Variants in SAMD4A observed in about 807,000 individuals in gnomAD.
The protein encoded by SAMD4A is sterile alpha motif domain containing 4A.
Under a neutral mutation model 81.3 loss-of-function variants are expected in SAMD4A, and 33 were observed. The ratio of observed to expected loss-of-function variants is 0.41; its 90% CI spans 0.31 to 0.54. SAMD4A has a LOEUF of 0.54. Among genes scored for constraint, SAMD4A ranks in the 20% least tolerant of loss-of-function variants. The pLI is 0.37. For missense variants in SAMD4A, 854 were observed against 951.1 expected (o/e 0.90, Z 1.34); for synonymous variants, 389 against 382.1 (o/e 1.02, Z -0.21).
At chr14:54,593,706 A>G (rs138874155) in intron 2 of SAMD4A, among the ~76,000 whole-genome samples, 2 of 152,298 alleles carry the variant, frequency 1.3e-5, no homozygotes, top group East Asian at 1.9e-4. Flanking sequence ...CTTGAAACCA[A>G]TATGTATGAG....
intron 2 of SAMD4A, among the ~76,000 whole-genome samples, chr14:54,666,108 G>A (rs1006068703): frequency 6.6e-6 from 1 of 152,162 alleles, no homozygotes; most frequent in African/African-American, 2.4e-5. Context: ...CTGACAGGGT[G>A]TCACCCCAGC....
intron 8 of SAMD4A, among the ~76,000 whole-genome samples, 198 bp from the exon 9 acceptor site, chr14:54,769,906 G>A (rs1042897701): frequency 1.3e-5 from 2 of 152,146 alleles, no homozygotes; most frequent in African/African-American, 2.4e-5. Context: ...ACCTTATCAC[G>A]CACCTCCAAT....
At chr14:54,719,887 TC>T (rs2037217926) in intron 3 of SAMD4A, among the ~76,000 whole-genome samples, 1 of 152,206 alleles carries the variant, frequency 6.6e-6, no homozygotes, top group African/African-American at 2.4e-5. Context: ...TTAGTTACCC[TC>T]AGTCTAGCTT....
At chr14:54,780,748 C>T (rs925531420) in intron 11 of SAMD4A, among the ~76,000 whole-genome samples, 4 of 152,136 alleles carry the variant, frequency 2.6e-5, no homozygotes, top group African/African-American at 7.2e-5. Context: ...TTTGTGAAAG[C>T]GTTGGTCCCA....
chr14:54,670,207 A>G (rs1164621077), intron 2 of SAMD4A, among the ~76,000 whole-genome samples: 2 of 152,022 alleles, frequency 1.3e-5, no homozygotes, highest in African/African-American at 4.8e-5. Context: ...CCCTCTTGTA[A>G]ATCTCTTAGT....
intron 2 of SAMD4A, chr14:54,694,709 C>CT: frequency 1.0e-6 from 1 of 985,470 alleles, no homozygotes; most frequent in Non-Finnish European, 1.2e-6. Flanking sequence ...CTCAGACCTC[C>CT]TGACTGGTCA....
chr14:54,743,435 C>T (rs560840446), intron 4 of SAMD4A, among the ~76,000 whole-genome samples: 1 of 152,310 alleles, frequency 6.6e-6, no homozygotes, highest in Admixed American at 6.5e-5. Flanking sequence ...CAGGATTCCC[C>T]CAAATTCGAA....
chr14:54,713,814 A>G (rs559837508), intron 3 of SAMD4A, among the ~76,000 whole-genome samples: 36 of 152,362 alleles, frequency 2.4e-4, no homozygotes, highest in Non-Finnish European at 5.0e-4. Context: ...GTTGGTACAT[A>G]AACAATGAGG....
intron 2 of SAMD4A, among the ~76,000 whole-genome samples, chr14:54,685,322 C>G (rs995881292): frequency 6.7e-6 from 1 of 148,272 alleles, no homozygotes; most frequent in Non-Finnish European, 1.5e-5. Context: ...TCTGACTACT[C>G]AAGAGACCTC....
intron 4 of SAMD4A, among the ~76,000 whole-genome samples, chr14:54,739,873 A>T (rs528601499): frequency 3.2e-4 from 49 of 152,328 alleles, no homozygotes; most frequent in African/African-American, 1.1e-3. Flanking sequence ...TCACACTTTT[A>T]AAGAAATGAG....
intron 2 of SAMD4A, among the ~76,000 whole-genome samples, chr14:54,581,782 G>C (rs2033476625): frequency 6.6e-6 from 1 of 152,104 alleles, no homozygotes; most frequent in African/African-American, 2.4e-5. Context: ...TTTTAAAGAG[G>C]TAAACCTAGA....
chr14:54,635,141 A>G (rs2035003372), intron 2 of SAMD4A, among the ~76,000 whole-genome samples: 1 of 152,146 alleles, frequency 6.6e-6, no homozygotes, highest in South Asian at 2.1e-4. Flanking sequence ...AAACTTATCC[A>G]GCTGGGCGCT....
intron 2 of SAMD4A, among the ~76,000 whole-genome samples, chr14:54,646,062 C>A (rs1049498027): frequency 1.3e-5 from 2 of 152,160 alleles, no homozygotes; most frequent in Non-Finnish European, 2.9e-5. Context: ...GTAAATTAAA[C>A]CATATGGTTT....
intron 2 of SAMD4A, among the ~76,000 whole-genome samples, chr14:54,627,132 C>G (rs1463861930): frequency 6.6e-6 from 1 of 152,172 alleles, no homozygotes; most frequent in Non-Finnish European, 1.5e-5. Context: ...TTTTTACATC[C>G]AACCCCCAGA....
intron 9 of SAMD4A, 131 bp from the exon 10 acceptor site, chr14:54,774,803 G>C: frequency 1.2e-6 from 1 of 814,922 alleles, no homozygotes; most frequent in Non-Finnish European, 1.8e-6. Flanking sequence ...AACAGAGTGA[G>C]ACCCTGACTC....
chr14:54,754,238 C>T (rs750797904), intron 6 of SAMD4A, among the ~76,000 whole-genome samples: 2 of 152,130 alleles, frequency 1.3e-5, no homozygotes, highest in African/African-American at 2.4e-5. Flanking sequence ...TGATGTTTTC[C>T]GTGTCCCAGA....
chr14:54,654,883 G>A (rs1409012020), intron 2 of SAMD4A, among the ~76,000 whole-genome samples: 2 of 152,222 alleles, frequency 1.3e-5, no homozygotes, highest in African/African-American at 4.8e-5. Context: ...CGTAATGACA[G>A]CACATCAGTG....
intron 3 of SAMD4A, among the ~76,000 whole-genome samples, chr14:54,707,987 A>G (rs2036900334): frequency 6.6e-6 from 1 of 152,212 alleles, no homozygotes; most frequent in Admixed American, 6.5e-5. Flanking sequence ...CCAGAAAGCT[A>G]TTGGAGGATT....
intron 2 of SAMD4A, among the ~76,000 whole-genome samples, chr14:54,604,125 A>G (rs1417959456): frequency 6.6e-6 from 1 of 152,088 alleles, no homozygotes; most frequent in Non-Finnish European, 1.5e-5. Flanking sequence ...GCTTGGCCCC[A>G]TTATTTTATT....
Sources: gnomAD v4.1 joint callset for allele counts (sites outside exome capture counted in the v4.1 genomes callset) on GRCh38, gnomAD v4.1.1 for gene constraint, MANE v1.5 for transcripts, NCBI Gene and HGNC (gene_info 2026-07-23, HGNC 2026-07-21) for gene names.